Variants in BANP observed in about 807,000 individuals in gnomAD.
BANP encodes BTG3 associated nuclear protein, also known as protein BANP.
BANP carries 11 observed loss-of-function variants against 68.1 expected under a neutral mutation model. The observed-to-expected ratio is 0.16, with a 90% confidence interval of 0.10 to 0.27. BANP has a LOEUF of 0.27. Among genes scored for constraint, BANP ranks in the 10% least tolerant of loss-of-function variants. The pLI, the probability that BANP is intolerant of heterozygous loss-of-function variation, is 1.00. For synonymous variants in BANP, 329 were observed against 303.2 expected (o/e 1.09, Z -0.88); for missense variants, 504 against 722.7 (o/e 0.70, Z 3.47).
In BANP at chr16:88,035,334, A is replaced by T. The variant is rs775878662; in HGVS notation, c.1212A>T (p.Gly404=). Residue 404 remains glycine (G), a synonymous_variant, in exon 10 of 14, where the codon GGA becomes GGT. Transcript: ENST00000682872. ...EDGQVQVIPQ[G]HLHIAQVPQG... Reference sequence around the variant, plus strand: ...TTTTCTTGCTGCGGATCCCACAGGGACACCTCCACATCGCCCAGGTGCCGC... The same window carrying T: ...TTTTCTTGCTGCGGATCCCACAGGGTCACCTCCACATCGCCCAGGTGCCGC... 3.7e-6 allele frequency: 6 copies of T among 1,610,976 alleles called. No homozygotes were observed. The highest frequency in any genetic ancestry group is 5.1e-6 in the Non-Finnish European group (6 of 1,179,012).
intron 1 of BANP, among the ~76,000 whole-genome samples, chr16:87,953,285 C>A (rs571274629): frequency 4.6e-5 from 7 of 152,300 alleles, no homozygotes; most frequent in Admixed American, 2.0e-4. Context: ...GCAATGGTCC[C>A]CTGCCCCACC....
intron 6 of BANP, among the ~76,000 whole-genome samples, chr16:88,007,946 G>A (rs1010076027): frequency 1.3e-5 from 2 of 151,912 alleles, no homozygotes; most frequent in African/African-American, 4.8e-5. Flanking sequence ...TATTCTCAAG[G>A]TTGTACAGTC....
rs192019591 is a variant in BANP, at chr16:88,032,912, C to A, written c.1064-197C>A. Among the ~76,000 whole-genome samples the A allele has an allele frequency of 1.6e-4, 25 of 152,330 alleles. No individual in the cohort carries two copies. In the East Asian group the frequency reaches 3.7e-3, roughly 22 times the overall value. ...TCTCAGGCCCTTTTGCATTCCATGT[C>A]GGAAGCCTCAGTTCCTAAGACTCAC... is the stretch of plus-strand genomic sequence containing the variant. On this transcript the variant is annotated intron_variant, in intron 8 of 13. Transcript: ENST00000682872.
chr16:88,023,367 C>A (rs1195411494), intron 7 of BANP, among the ~76,000 whole-genome samples: 1 of 152,148 alleles, frequency 6.6e-6, no homozygotes, highest in Admixed American at 6.5e-5. Context: ...AGAAGGTGGC[C>A]GGCTTGGCCT....
In BANP at chr16:88,064,108, A is replaced by G. The variant is rs2152887258; in HGVS notation, c.1312-1159A>G. On this transcript the variant is annotated intron_variant, in intron 11 of 13. Coordinates refer to ENST00000682872, the MANE Select transcript of BANP (RefSeq NM_001386991.1). This position sits in a 1 kb window ranked among gnomAD's most constrained non-coding sequence, Gnocchi z 4.5. The stretch of plus-strand genomic sequence containing the variant: ...GTGTGGGGGCCAACCACAAGCAGGC[A>G]CCGGCGCTGGGGGACCAGGGTCAGG... 6.6e-6 allele frequency among the ~76,000 whole-genome samples: 1 copy of G among 151,550 alleles called. No individual in the cohort carries two copies. The highest frequency in any genetic ancestry group is 3.4e-3 in the Middle Eastern group (1 of 294).
Position 88,076,943 on chromosome 16 carries a change from TATG to T in BANP, c.*285_*287del, listed in dbSNP as rs1231558173. ...CGCATATGCGCGGGAAATCAAGAACTATGATATTTTTCTGTTTAAACAGCTTTT... is the reference window on the plus strand; with the variant it reads ...CGCATATGCGCGGGAAATCAAGAACTATATTTTTCTGTTTAAACAGCTTTT... On this transcript the variant is annotated 3_prime_UTR_variant, in exon 14 of 14. Coordinates refer to ENST00000682872, the MANE Select transcript of BANP (RefSeq NM_001386991.1). 6 of 390,284 alleles carry T rather than the reference TATG, an allele frequency of 1.5e-5. No homozygotes were observed. Among genetic ancestry groups the T allele is most frequent in the African/African-American group, 1.2e-4 (6 of 48,196 alleles). 24.2% of individuals were successfully genotyped at this position (390,284 alleles called of 1,614,324 possible).
intron 3 of BANP, among the ~76,000 whole-genome samples, chr16:87,983,662 G>A (rs892596558): frequency 2.6e-5 from 4 of 151,934 alleles, no homozygotes; most frequent in African/African-American, 4.9e-5. Context: ...GCGAATGTGC[G>A]TGGCCTGTGG....
At chr16:88,022,882 G>C (rs868559243) in intron 7 of BANP, among the ~76,000 whole-genome samples, 3 of 152,284 alleles carry the variant, frequency 2.0e-5, no homozygotes, top group South Asian at 4.1e-4. Flanking sequence ...CTCTCCTGCA[G>C]GATGACCTCA....
At chr16:87,987,550 C>T (rs2064751415) in intron 4 of BANP, among the ~76,000 whole-genome samples, 2 of 151,022 alleles carry the variant, frequency 1.3e-5, no homozygotes, top group Non-Finnish European at 3.0e-5. Context: ...GTAGTGAGAC[C>T]CCCATCTGCA....
At chr16:87,955,639 T>G (rs1045997062) in intron 1 of BANP, among the ~76,000 whole-genome samples, 2 of 152,092 alleles carry the variant, frequency 1.3e-5, no homozygotes, top group African/African-American at 4.8e-5. Context: ...TCCTTCTGTC[T>G]GTGATATTTA....
At chr16:88,006,625 A>G (rs1302557246) in intron 6 of BANP, among the ~76,000 whole-genome samples, 2 of 147,070 alleles carry the variant, frequency 1.4e-5, no homozygotes, top group Admixed American at 1.4e-4. Flanking sequence ...AGCCTGGGCA[A>G]TAGAGGAAAC....
rs1310885583 is a variant in BANP at position 88,072,047 on chromosome 16, GCCC to G, written c.1378-19_1378-17del. The G allele has an allele frequency of 6.4e-7, 1 of 1,554,034 alleles. No homozygotes were observed. The highest frequency in any genetic ancestry group is 1.4e-5 in the African/African-American group (1 of 73,610). On this transcript the variant is annotated intron_variant, in intron 12 of 13. Transcript: ENST00000682872. ...GGGTTGTGGGCCACGCCGCTGACGG[GCCC>G]CCGTGTGTCTCCCTCCAGGTGCTGC...
chr16:88,042,200 C>T (rs1039208916), intron 11 of BANP, among the ~76,000 whole-genome samples: 7 of 152,208 alleles, frequency 4.6e-5, no homozygotes, highest in East Asian at 3.9e-4. Context: ...GTAGCAGTAG[C>T]GGATGGTGCA....
At chr16:88,009,142 G>T (rs2072226564) in intron 6 of BANP, among the ~76,000 whole-genome samples, 1 of 152,192 alleles carries the variant, frequency 6.6e-6, no homozygotes, top group African/African-American at 2.4e-5. Context: ...CCTCTCTTCA[G>T]CACTTCCATG....
At chr16:87,966,274 T>G (rs1241955110) in intron 1 of BANP, among the ~76,000 whole-genome samples, 1 of 152,164 alleles carries the variant, frequency 6.6e-6, no homozygotes, top group Non-Finnish European at 1.5e-5. Flanking sequence ...CTTTCCCATA[T>G]GCGCCCTGAG....
At chr16:87,992,101 C>G (rs937584721) in intron 4 of BANP, among the ~76,000 whole-genome samples, 1 of 152,162 alleles carries the variant, frequency 6.6e-6, no homozygotes, top group Non-Finnish European at 1.5e-5. Context: ...CATGCCTTTT[C>G]TGTATCTTCC....
chr16:87,976,474 G>GTT (rs59786663), intron 2 of BANP, among the ~76,000 whole-genome samples: 6 of 95,958 alleles, frequency 6.3e-5, no homozygotes, highest in Admixed American at 4.6e-4. Flanking sequence ...GTTTTAAAAA[G>GTT]TTTTTTTTTT....
intron 7 of BANP, among the ~76,000 whole-genome samples, chr16:88,025,227 G>C (rs974032777): frequency 1.3e-5 from 2 of 152,216 alleles, no homozygotes; most frequent in African/African-American, 4.8e-5. Context: ...CAGTTTGAAA[G>C]CTGGGTTTTC....
rs578014002 is a variant in BANP, at chr16:88,057,173, C to T, written c.1312-8094C>T. 1.3e-5 allele frequency among the ~76,000 whole-genome samples: 2 copies of T among 152,184 alleles called. No individual in the cohort carries two copies. The highest frequency in any genetic ancestry group is 2.1e-4 in the South Asian group (1 of 4,822). On this transcript the variant is annotated intron_variant, in intron 11 of 13. Coordinates refer to ENST00000682872, the MANE Select transcript of BANP (RefSeq NM_001386991.1). This position sits in a 1 kb window ranked among gnomAD's most constrained non-coding sequence, Gnocchi z 4.6. ...TGCCTTTTCTGGTGGGCGGGCCTGC[C>T]GTGTTGTGGTGGGGAGCGACTTCAC...
Sources: allele counts gnomAD v4.1 joint callset (sites outside exome capture counted in the v4.1 genomes callset), GRCh38; gene constraint gnomAD v4.1.1; non-coding constraint Gnocchi (gnomAD v3.1); transcripts MANE v1.5; gene names NCBI Gene and HGNC (gene_info 2026-07-23, HGNC 2026-07-21).